MAF: variants seen among roughly 807,000 people sequenced by gnomAD.
MAF encodes the protein MAF bZIP transcription factor.
MAF carries 10 observed loss-of-function variants against 22.0 expected under a neutral mutation model. The observed-to-expected ratio is 0.45, with a 90% CI of 0.28 to 0.77. MAF has a LOEUF of 0.77. MAF is among the 30% of genes least tolerant of loss of function. MAF has a pLI of 0.12. For missense variants in MAF, 544 were observed against 548.4 expected, an observed-to-expected ratio of 0.99 and a Z score of 0.08; for synonymous variants, 337 against 255.8, an observed-to-expected ratio of 1.32 and a Z score of -3.03.
chr16:79,485,824 G>A, the MAF span, among the ~76,000 whole-genome samples: 1 of 152,030 alleles, frequency 6.6e-6, no homozygotes, highest in Admixed American at 6.5e-5. Context: ...AGCTACAAAT[G>A]GCCCAGGGGC....
the MAF span, among the ~76,000 whole-genome samples, chr16:79,411,772 T>C: frequency 6.6e-6 from 1 of 152,244 alleles, no homozygotes; most frequent in Non-Finnish European, 1.5e-5. Flanking sequence ...TCTTCCTGCA[T>C]GTTATGCCTT....
chr16:79,376,561 T>G, the MAF span, among the ~76,000 whole-genome samples: 22 of 152,344 alleles, frequency 1.4e-4, no homozygotes, highest in South Asian at 2.5e-3. Context: ...AGTTTTAGTG[T>G]ACATGTGCAC....
the MAF span, among the ~76,000 whole-genome samples, chr16:79,242,415 A>G: frequency 1.3e-5 from 2 of 151,858 alleles, no homozygotes; most frequent in Non-Finnish European, 2.9e-5. Context: ...AGTCTCTGAT[A>G]AAAAAAGACT....
the MAF span, among the ~76,000 whole-genome samples, chr16:79,429,655 A>G: frequency 2.0e-5 from 3 of 152,138 alleles, no homozygotes; most frequent in African/African-American, 7.2e-5. Context: ...CTCCTCTCCC[A>G]GGGTGTGTAA....
the MAF span, among the ~76,000 whole-genome samples, chr16:79,478,721 G>C: frequency 3.9e-3 from 594 of 152,242 alleles, 8 homozygotes; most frequent in African/African-American, 0.014. Context: ...TAGTGCACCA[G>C]TGCATCATCC....
chr16:79,443,517 G>A, the MAF span, among the ~76,000 whole-genome samples: 2 of 152,208 alleles, frequency 1.3e-5, no homozygotes, highest in African/African-American at 4.8e-5. Context: ...CATTGCTGGA[G>A]GGAGAATATG....
At chr16:79,597,149 C>T (rs1311624231) in intron 1 of MAF, 21 of 1,056,648 alleles carry the variant, frequency 2.0e-5, no homozygotes, top group Admixed American at 1.1e-4. Context: ...GCAAACTCTA[C>T]CCCCCTTAAC....
chr16:79,358,500 G>A, the MAF span, among the ~76,000 whole-genome samples: 79 of 152,158 alleles, frequency 5.2e-4, no homozygotes, highest in Non-Finnish European at 8.2e-4. Context: ...AGAGATCCCA[G>A]CCAGGCCTGG....
the MAF span, chr16:79,211,576 ATTTTTTT>A: frequency 6.2e-7 from 1 of 1,607,964 alleles, no homozygotes; most frequent in South Asian, 1.1e-5. Flanking sequence ...TTTTCTTAAA[ATTTTTTT>A]TTGTCTTTCT....
chr16:79,343,486 A>G, the MAF span, among the ~76,000 whole-genome samples: 6 of 152,302 alleles, frequency 3.9e-5, no homozygotes, highest in Middle Eastern at 6.8e-3. Context: ...AAAAAATTAT[A>G]CACACCACCA....
the MAF span, among the ~76,000 whole-genome samples, chr16:79,274,178 C>A: frequency 1.3e-5 from 2 of 151,926 alleles, no homozygotes; most frequent in East Asian, 3.9e-4. Flanking sequence ...TGGTCTCAAA[C>A]CCCTGACCTC....
At chr16:79,225,290 G>C in the MAF span, among the ~76,000 whole-genome samples, 1 of 152,180 alleles carries the variant, frequency 6.6e-6, no homozygotes, top group Non-Finnish European at 1.5e-5. Context: ...AAATGGTGTT[G>C]AGAAAACTGG....
At chr16:79,536,672 A>G in the MAF span, among the ~76,000 whole-genome samples, 44,564 of 152,040 alleles carry the variant, frequency 0.29, 7,110 homozygotes, top group Non-Finnish European at 0.37. Flanking sequence ...ATTGAGAAAA[A>G]ATTTTAAAAA....
At chr16:79,259,567 T>G in the MAF span, among the ~76,000 whole-genome samples, 1 of 152,164 alleles carries the variant, frequency 6.6e-6, no homozygotes, top group Non-Finnish European at 1.5e-5. Flanking sequence ...GGGCACGTAG[T>G]AGGTGCTCCG....
the MAF span, chr16:79,211,989 T>G: frequency 2.0e-6 from 3 of 1,533,846 alleles, no homozygotes. Flanking sequence ...AAAGTATCAC[T>G]TTTCTGGGGC....
At chr16:79,505,569 T>A in the MAF span, 5 of 152,250 alleles carry the variant, frequency 3.3e-5, no homozygotes, top group African/African-American at 1.2e-4. Context: ...AAACAGCCAC[T>A]CCCAGGGCGC....
At chr16:79,205,590 G>A in the MAF span, 2 of 152,088 alleles carry the variant, frequency 1.3e-5, no homozygotes, top group East Asian at 3.9e-4. Flanking sequence ...CATCTTCATT[G>A]TTTCTTTTTG....
the MAF span, among the ~76,000 whole-genome samples, chr16:79,519,732 C>T: frequency 1.3e-5 from 2 of 152,354 alleles, no homozygotes; most frequent in Admixed American, 1.3e-4. Context: ...CTGGTTTGCA[C>T]TTCCTGTCCT....
the MAF span, among the ~76,000 whole-genome samples, chr16:79,348,661 G>C: frequency 1.3e-5 from 2 of 152,228 alleles, no homozygotes; most frequent in African/African-American, 4.8e-5. Flanking sequence ...ACAAAAGCAT[G>C]GCTTGGGCCC....
Sources: allele counts gnomAD v4.1 joint callset (sites outside exome capture counted in the v4.1 genomes callset), GRCh38; gene constraint gnomAD v4.1.1; transcripts MANE v1.5; gene names NCBI Gene and HGNC (gene_info 2026-07-23, HGNC 2026-07-21).